ANKHD1: variants seen among roughly 807,000 people sequenced by gnomAD.
The protein encoded by ANKHD1 is ankyrin repeat and KH domain containing 1, also known as ankyrin repeat and KH domain-containing protein 1.
ANKHD1 carries 31 observed loss-of-function variants against 230.5 expected under a neutral mutation model. The ratio of observed to expected loss-of-function variants is 0.13; its 90% confidence interval spans 0.10 to 0.18. The LOEUF (loss-of-function observed/expected upper bound fraction) is 0.18. ANKHD1 is among the 10% of genes least tolerant of loss of function. The pLI, the probability that ANKHD1 is intolerant of heterozygous loss-of-function variation, is 1.00. For synonymous variants in ANKHD1, 1,074 were observed against 1,117.6 expected, an observed-to-expected ratio of 0.96 and a Z score of 0.78; for missense variants, 2,256 against 3,071.3, an observed-to-expected ratio of 0.73 and a Z score of 6.27.
At chr5:140,444,078 G>GT (rs1469501750) in intron 5 of ANKHD1, among the ~76,000 whole-genome samples, 2 of 110,582 alleles carry the variant, frequency 1.8e-5, no homozygotes, top group Non-Finnish European at 3.7e-5. Flanking sequence ...TTGAGATGAA[G>GT]TCCCCCCCCC....
intron 30 of ANKHD1, 160 bp from the exon 31 acceptor site, chr5:140,537,229 A>T (rs1459385669): frequency 1.6e-6 from 2 of 1,286,762 alleles, no homozygotes; most frequent in Non-Finnish European, 2.0e-6. Context: ...TAAAATGAAA[A>T]TTTTCTTTAC....
chr5:140,408,605 G>T (rs1358576006), intron 1 of ANKHD1, among the ~76,000 whole-genome samples: 1 of 152,126 alleles, frequency 6.6e-6, no homozygotes, highest in African/African-American at 2.4e-5. Context: ...ATCCCATCCT[G>T]ATTTTCTCCA....
At position 140,458,856 on chromosome 5, in the gene ANKHD1, G is replaced by A. The variant is rs1225393342; in HGVS notation, c.1474G>A (p.Ala492Thr). The A allele has an allele frequency of 1.2e-6, 2 of 1,608,700 alleles. No homozygotes were observed. The highest frequency in any genetic ancestry group is 1.1e-5 in the South Asian group (1 of 90,702). The change falls in exon 8 of 34, where the codon GCA (alanine) becomes ACA (threonine). Residue 492 changes from alanine (A) to threonine (T), a missense_variant. Physicochemically the swap from Ala to Thr is moderately conservative, Grantham distance 58 (BLOSUM62 0). Transcript: ENST00000360839. Reference protein sequence around the residue: ...GHEEMVALLLAQGANINAQTE... With the variant: ...GHEEMVALLLTQGANINAQTE... Reference sequence around the variant, plus strand: ...TGAAGAAATGGTGGCACTACTCTTAGCACAAGGTAAAGCAGTTTTACTTCT... The same window carrying A: ...TGAAGAAATGGTGGCACTACTCTTAACACAAGGTAAAGCAGTTTTACTTCT...
chr5:140,534,274 C>T (rs1753976110), intron 29 of ANKHD1, among the ~76,000 whole-genome samples: 1 of 152,106 alleles, frequency 6.6e-6, no homozygotes, highest in Non-Finnish European at 1.5e-5. Context: ...TGCCTGTAGT[C>T]CCAGCTACTT....
At chr5:140,418,006 GT>G (rs1315566624) in intron 1 of ANKHD1, among the ~76,000 whole-genome samples, 5 of 150,718 alleles carry the variant, frequency 3.3e-5, no homozygotes, top group Non-Finnish European at 5.9e-5. Context: ...CGCCCGGCTA[GT>G]TTTTTTGTAT....
intron 25 of ANKHD1, chr5:140,524,965 C>A: frequency 5.7e-6 from 2 of 348,918 alleles, no homozygotes; most frequent in South Asian, 2.1e-5. Flanking sequence ...ACAAAATTAG[C>A]CTGGGATTAC....
intron 24 of ANKHD1, among the ~76,000 whole-genome samples, chr5:140,515,112 T>C (rs1752936639): frequency 6.6e-6 from 1 of 151,970 alleles, no homozygotes; most frequent in South Asian, 2.1e-4. Flanking sequence ...ACCCCGTCTC[T>C]GCTAAAAATA....
intron 14 of ANKHD1, among the ~76,000 whole-genome samples, chr5:140,492,300 G>T (rs1353788067): frequency 6.6e-6 from 1 of 152,120 alleles, no homozygotes; most frequent in Non-Finnish European, 1.5e-5. Context: ...ATAAGAAGAA[G>T]ATTGAATTAA....
chr5:140,505,395 C>A (rs1033684928), intron 17 of ANKHD1, among the ~76,000 whole-genome samples, 162 bp downstream of exon 17: 1 of 152,152 alleles, frequency 6.6e-6, no homozygotes, highest in Non-Finnish European at 1.5e-5. Flanking sequence ...CCAAATAATT[C>A]TCAAAACATT....
At chr5:140,407,527 C>T (rs1770566997) in intron 1 of ANKHD1, among the ~76,000 whole-genome samples, 1 of 151,432 alleles carries the variant, frequency 6.6e-6, no homozygotes, top group Non-Finnish European at 1.5e-5. Context: ...GCCTCAGCCT[C>T]CCAAAGAGCT....
intron 6 of ANKHD1, among the ~76,000 whole-genome samples, chr5:140,447,040 G>A (rs1373960671): frequency 6.6e-6 from 1 of 152,046 alleles, no homozygotes; most frequent in Non-Finnish European, 1.5e-5. Flanking sequence ...CTCCCTAGTA[G>A]CTGGTATTAC....
In ANKHD1 at chr5:140,502,102, A is replaced by G. The variant is rs1235664817; in HGVS notation, c.3005-2719A>G. Among the ~76,000 whole-genome samples the G allele has an allele frequency of 2.6e-5, 4 of 151,960 alleles. No individual in the cohort carries two copies. The East Asian group carries it at 7.7e-4, about 29-fold the overall frequency. ...TGAATTATATATAGATGTTTGTGGT[A>G]GCAGTCTGTCTTGGTCACTTTCAGA... On this transcript the variant is annotated intron_variant, in intron 15 of 33. Transcript: ENST00000360839.
In ANKHD1 at chr5:140,485,881, AT is replaced by A. The variant is rs1207828567; in HGVS notation, c.2142+153del. 1 of 1,245,258 alleles carries A rather than the reference AT, an allele frequency of 8.0e-7. No individual in the cohort carries two copies. Among genetic ancestry groups the A allele is most frequent in the African/African-American group, 1.5e-5 (1 of 65,124 alleles). 77.1% of individuals were successfully genotyped at this position (1,245,258 alleles called of 1,614,324 possible). A position where few individuals can be genotyped will look rare whatever the true frequency, so the allele number is the denominator to read the frequency against. On this transcript the variant is annotated intron_variant, in intron 13 of 33. Transcript: ENST00000360839. The surrounding 1 kb of genome is among the most constrained non-coding windows in gnomAD (Gnocchi z 4.8). ...CATGACTCTAAATTCTTTAGGATTTATTTTCTTTAAAGGTACACTGAAATTT... is the reference window on the plus strand; with the variant it reads ...CATGACTCTAAATTCTTTAGGATTTATTTCTTTAAAGGTACACTGAAATTT...
At chr5:140,535,129 ATC>A (rs1754014316) in intron 29 of ANKHD1, among the ~76,000 whole-genome samples, 1 of 152,192 alleles carries the variant, frequency 6.6e-6, no homozygotes, top group South Asian at 2.1e-4. Context: ...ATTTTCCTGT[ATC>A]TAGTGCTGTT....
chr5:140,522,258 T>C (rs1753384739), intron 24 of ANKHD1, among the ~76,000 whole-genome samples: 1 of 152,252 alleles, frequency 6.6e-6, no homozygotes, highest in Non-Finnish European at 1.5e-5. Flanking sequence ...GTGAAATGTT[T>C]TCAAAATTCA....
chr5:140,419,641 G>A (rs1771711818), intron 1 of ANKHD1, among the ~76,000 whole-genome samples: 1 of 150,954 alleles, frequency 6.6e-6, no homozygotes, highest in Non-Finnish European at 1.5e-5. Flanking sequence ...TAATTTTTTT[G>A]TAGATATGGA....
intron 10 of ANKHD1, among the ~76,000 whole-genome samples, chr5:140,468,603 CTTTTA>C (rs1776276559): frequency 6.6e-6 from 1 of 152,094 alleles, no homozygotes; most frequent in Non-Finnish European, 1.5e-5. Context: ...CCCAAGTCCT[CTTTTA>C]TAAGATTTTT....
At chr5:140,536,218 C>T (rs551984428) in intron 30 of ANKHD1, among the ~76,000 whole-genome samples, 74 of 152,260 alleles carry the variant, frequency 4.9e-4, no homozygotes, top group African/African-American at 1.5e-3. Flanking sequence ...CTCAGCCTTC[C>T]GAGCAGCTGG....
intron 5 of ANKHD1, among the ~76,000 whole-genome samples, chr5:140,443,054 C>T (rs1007926900): frequency 1.3e-5 from 2 of 151,564 alleles, no homozygotes; most frequent in South Asian, 2.1e-4. Flanking sequence ...TACAGGTGCC[C>T]GCCACCACGC....
Sources: gnomAD v4.1 joint callset for allele counts (sites outside exome capture counted in the v4.1 genomes callset) on GRCh38, gnomAD v4.1.1 for gene constraint, Gnocchi (gnomAD v3.1) non-coding constraint, MANE v1.5 for transcripts, NCBI Gene and HGNC (gene_info 2026-07-23, HGNC 2026-07-21) for gene names.